PCGF5: variants seen among roughly 807,000 people sequenced by gnomAD.
PCGF5 encodes polycomb group RING finger protein 5.
PCGF5 carries 9 observed loss-of-function variants against 44.3 expected under a neutral mutation model. That is an observed-to-expected ratio of 0.20 (90% confidence interval 0.12 to 0.35). The LOEUF is 0.35. PCGF5 is among the 10% of genes least tolerant of loss of function. The pLI, the probability that PCGF5 is intolerant of heterozygous loss-of-function variation, is 1.00. For missense variants in PCGF5, 146 were observed against 305.3 expected (o/e 0.48, Z 3.89); for synonymous variants, 95 against 102.5 (o/e 0.93, Z 0.44).
At chr10:91,276,656 A>G (rs2133469223) in intron 9 of PCGF5, among the ~76,000 whole-genome samples, 1 of 152,334 alleles carries the variant, frequency 6.6e-6, no homozygotes. Context: ...AATCCCAAGC[A>G]TTGCCAGTAA....
In PCGF5 at chr10:91,253,670, T is replaced by G. The variant is rs72815423; in HGVS notation, c.474+2230T>G. On this transcript the variant is annotated intron_variant, in intron 6 of 9. Transcript: ENST00000336126. ...TAAGTCCTGCAAAATTCCCCCAGTT[T>G]AGTGCTGCTCACCCTTATATCTACA... 3.6e-3 allele frequency among the ~76,000 whole-genome samples: 555 copies of G among 152,188 alleles called. 2 individuals are homozygous for G. Among genetic ancestry groups the G allele is most frequent in the Middle Eastern group, 6.8e-3 (2 of 294 alleles).
At position 91,263,660 on chromosome 10, in the gene PCGF5, G is replaced by A. The variant is rs185612737; in HGVS notation, c.574-771G>A. Among the ~76,000 whole-genome samples, 23 of 152,302 alleles carry A rather than the reference G, an allele frequency of 1.5e-4. No homozygotes were observed. In the East Asian group the frequency reaches 4.0e-3, roughly 27 times the overall value. On this transcript the variant is annotated intron_variant, in intron 7 of 9. Transcript: ENST00000336126. Reference sequence around the variant, plus strand: ...TGCTTTCTTGAATTAGTGAATTATAGCCACAGTTCCTGTAGCCTTCTTAAA... The same window carrying A: ...TGCTTTCTTGAATTAGTGAATTATAACCACAGTTCCTGTAGCCTTCTTAAA...
intron 3 of PCGF5, among the ~76,000 whole-genome samples, chr10:91,246,577 A>G (rs192376273): frequency 2.0e-4 from 31 of 152,274 alleles, no homozygotes; most frequent in Admixed American, 2.0e-3. Flanking sequence ...TTGATTATGA[A>G]CATGTCTCTG....
chr10:91,249,371 GTATATATATA>G (rs3074316), intron 5 of PCGF5, among the ~76,000 whole-genome samples: 3,037 of 120,238 alleles, frequency 0.025, 42 homozygotes, highest in Non-Finnish European at 0.033. Context: ...GGCTTTTAGT[GTATATATATA>G]TATATATATA....
intron 1 of PCGF5, among the ~76,000 whole-genome samples, chr10:91,168,961 A>G (rs897341053): frequency 5.8e-5 from 8 of 138,838 alleles, no homozygotes; most frequent in Admixed American, 3.6e-4. Context: ...AAAAAAAAGA[A>G]GGCTTGATAA....
upstream of PCGF5, among the ~76,000 whole-genome samples, chr10:91,162,785 C>A (rs1843409493): frequency 6.6e-6 from 1 of 150,788 alleles, no homozygotes; most frequent in South Asian, 2.1e-4. Context: ...TCAGGGAGTG[C>A]GGGCTGTGCC....
At chr10:91,241,793 A>T (rs548244028) in intron 3 of PCGF5, among the ~76,000 whole-genome samples, 1 of 152,142 alleles carries the variant, frequency 6.6e-6, no homozygotes, top group East Asian at 1.9e-4. Context: ...CAAATCTTAC[A>T]TTTCAGCCTT....
chr10:91,223,471 C>T (rs1371983403), intron 2 of PCGF5, among the ~76,000 whole-genome samples: 1 of 152,118 alleles, frequency 6.6e-6, no homozygotes, highest in Non-Finnish European at 1.5e-5. Context: ...AGAGTGGGCC[C>T]AGCAATCTGT....
intron 6 of PCGF5, among the ~76,000 whole-genome samples, chr10:91,253,366 T>C (rs1845667475): frequency 6.6e-6 from 1 of 151,910 alleles, no homozygotes; most frequent in Non-Finnish European, 1.5e-5. Flanking sequence ...CTCATGTCTG[T>C]TGTTCTCTTC....
chr10:91,277,500 C>A (rs574390157), intron 9 of PCGF5, among the ~76,000 whole-genome samples: 1 of 151,946 alleles, frequency 6.6e-6, no homozygotes, highest in African/African-American at 2.4e-5. Flanking sequence ...ACAGAGGTAG[C>A]GTGGCATATG....
chr10:91,240,215 A>G (rs1407721101), intron 2 of PCGF5, among the ~76,000 whole-genome samples: 1 of 152,214 alleles, frequency 6.6e-6, no homozygotes, highest in Non-Finnish European at 1.5e-5. Context: ...TTAGTTTAAT[A>G]TGATGATGAG....
At chr10:91,204,075 G>A (rs1384090597) in intron 1 of PCGF5, among the ~76,000 whole-genome samples, 1 of 152,136 alleles carries the variant, frequency 6.6e-6, no homozygotes. Flanking sequence ...TACAGATAAG[G>A]TAGTGATAAC....
chr10:91,271,524 T>TAA, intron 8 of PCGF5, 114 bp from the exon 9 acceptor site: 1 of 749,454 alleles, frequency 1.3e-6, no homozygotes. Context: ...AGTGTTTATT[T>TAA]ACCATTAATC....
At chr10:91,177,677 G>C (rs1843735024) in intron 1 of PCGF5, among the ~76,000 whole-genome samples, 1 of 152,224 alleles carries the variant, frequency 6.6e-6, no homozygotes, top group African/African-American at 2.4e-5. Flanking sequence ...CAATGAGCGA[G>C]GCTCCATAGG....
rs1013516645 is a variant in PCGF5, at chr10:91,222,673, A to T, written c.-183-16A>T. 2 of 512,556 alleles carry T rather than the reference A, an allele frequency of 3.9e-6. No homozygotes were observed. The highest frequency in any genetic ancestry group is 6.9e-6 in the Non-Finnish European group (2 of 290,458). 31.8% of individuals were successfully genotyped at this position (512,556 alleles called of 1,614,324 possible). On this transcript the variant is annotated splice_polypyrimidine_tract_variant and intron_variant, in intron 1 of 9. Coordinates refer to ENST00000336126, the MANE Select transcript of PCGF5 (RefSeq NM_032373.5). ...CGCTTTTTTCTCTCATCTTTTTGAAATGATTTTGGAAACAGACATGGGAAA... is the reference window on the plus strand; with the variant it reads ...CGCTTTTTTCTCTCATCTTTTTGAATTGATTTTGGAAACAGACATGGGAAA...
At chr10:91,233,237 C>G (rs890279179) in intron 2 of PCGF5, among the ~76,000 whole-genome samples, 3 of 152,224 alleles carry the variant, frequency 2.0e-5, no homozygotes, top group African/African-American at 4.8e-5. Context: ...GGGTCCCACT[C>G]GACTCTACAA....
intron 3 of PCGF5, among the ~76,000 whole-genome samples, chr10:91,246,014 G>A (rs1468329173): frequency 6.6e-6 from 1 of 152,022 alleles, no homozygotes; most frequent in Non-Finnish European, 1.5e-5. Context: ...ATGGAAAGTT[G>A]GATTTAACCT....
chr10:91,219,238 TA>T (rs1329468554), upstream of PCGF5, among the ~76,000 whole-genome samples: 1 of 152,198 alleles, frequency 6.6e-6, no homozygotes, highest in East Asian at 1.9e-4. Flanking sequence ...TATGTCATCC[TA>T]AAACCCGCCT....
Position 91,247,868 on chromosome 10 carries a change from G to T in PCGF5, c.210-637G>T, listed in dbSNP as rs189652272. Among the ~76,000 whole-genome samples the T allele has an allele frequency of 4.0e-3, 612 of 152,208 alleles. 4 individuals are homozygous for T. Among genetic ancestry groups the T allele is most frequent in the African/African-American group, 0.014 (592 of 41,548 alleles). On this transcript the variant is annotated intron_variant, in intron 3 of 9. Coordinates refer to ENST00000336126, the MANE Select transcript of PCGF5 (RefSeq NM_032373.5). ...AACCCCTAAATTGATGCTTGAAAAAGCAAGCATTTATTATTCCTCCTGGTT... is the reference window on the plus strand; with the variant it reads ...AACCCCTAAATTGATGCTTGAAAAATCAAGCATTTATTATTCCTCCTGGTT...
Sources: gnomAD v4.1 joint callset for allele counts (sites outside exome capture counted in the v4.1 genomes callset) on GRCh38, gnomAD v4.1.1 for gene constraint, MANE v1.5 for transcripts, NCBI Gene and HGNC (gene_info 2026-07-23, HGNC 2026-07-21) for gene names.